TCERG1L: variants seen among roughly 807,000 people sequenced by gnomAD.
The protein encoded by TCERG1L is transcription elongation regulator 1 like, also known as transcription elongation regulator 1-like protein.
In TCERG1L, 37 loss-of-function variants were observed where a neutral mutation model predicts 56.3. The observed-to-expected ratio is 0.66, with a 90% CI of 0.51 to 0.87. The LOEUF (loss-of-function observed/expected upper bound fraction) is 0.87. Among genes scored for constraint, TCERG1L ranks in the 40% least tolerant of loss-of-function variants. The pLI is 0.00. For missense variants in TCERG1L, 799 were observed against 774.2 expected, an observed-to-expected ratio of 1.03 and a Z score of -0.38; for synonymous variants, 324 against 326.3, an observed-to-expected ratio of 0.99 and a Z score of 0.08.
intron 3 of TCERG1L, among the ~76,000 whole-genome samples, chr10:131,285,883 A>T (rs1846534898): frequency 6.6e-6 from 1 of 152,222 alleles, no homozygotes; most frequent in Non-Finnish European, 1.5e-5. Context: ...GATGGAAGGA[A>T]TGTTCTAAGC....
chr10:131,223,687 C>T (rs867294026), intron 4 of TCERG1L, among the ~76,000 whole-genome samples: 6 of 134,350 alleles, frequency 4.5e-5, no homozygotes, highest in South Asian at 2.4e-4. Flanking sequence ...CTCACCCTCA[C>T]GCATACAGAC....
chr10:131,172,263 G>A (rs940292357), intron 4 of TCERG1L, among the ~76,000 whole-genome samples: 5 of 151,824 alleles, frequency 3.3e-5, no homozygotes, highest in African/African-American at 9.7e-5. Context: ...TGGACCCCAC[G>A]GGGGAGGAGG....
At chr10:131,208,925 GC>G (rs1431466699) in intron 4 of TCERG1L, among the ~76,000 whole-genome samples, 2 of 152,136 alleles carry the variant, frequency 1.3e-5, no homozygotes, top group Non-Finnish European at 2.9e-5. Context: ...AGGCGTGGTG[GC>G]AGGCGCCTGT....
chr10:131,158,479 T>C (rs1396506139), intron 6 of TCERG1L, among the ~76,000 whole-genome samples: 3 of 152,214 alleles, frequency 2.0e-5, no homozygotes, highest in African/African-American at 4.8e-5. Flanking sequence ...ACTAATTTGA[T>C]TTTTGTTGCA....
At chr10:131,140,790 A>C (rs1000354518) in intron 7 of TCERG1L, among the ~76,000 whole-genome samples, 7 of 152,114 alleles carry the variant, frequency 4.6e-5, no homozygotes, top group Non-Finnish European at 1.0e-4. Context: ...CTTGGTGGAG[A>C]GGGCAAGGCA....
At chr10:131,144,348 C>T (rs1358724928) in intron 7 of TCERG1L, among the ~76,000 whole-genome samples, 2 of 152,122 alleles carry the variant, frequency 1.3e-5, no homozygotes, top group African/African-American at 2.4e-5. Context: ...TCTGACGAGC[C>T]GCGACGAACG....
intron 4 of TCERG1L, among the ~76,000 whole-genome samples, chr10:131,245,317 C>T (rs772893740): frequency 4.6e-5 from 7 of 152,208 alleles, no homozygotes; most frequent in African/African-American, 7.2e-5. Context: ...GTGGCCAGGC[C>T]TACCTCTTTG....
At chr10:131,107,310 T>G (rs1488085232) in intron 9 of TCERG1L, among the ~76,000 whole-genome samples, 1 of 152,012 alleles carries the variant, frequency 6.6e-6, no homozygotes, top group Non-Finnish European at 1.5e-5. Flanking sequence ...TTCTGGAAAA[T>G]GTTGGAGTTC....
intron 6 of TCERG1L, among the ~76,000 whole-genome samples, chr10:131,152,737 G>C (rs916187819): frequency 1.3e-5 from 2 of 152,164 alleles, no homozygotes; most frequent in Non-Finnish European, 2.9e-5. Context: ...ACCTCAGACT[G>C]GGTAATTTAT....
chr10:131,262,769 G>A (rs889401539), intron 3 of TCERG1L, among the ~76,000 whole-genome samples: 9 of 152,136 alleles, frequency 5.9e-5, no homozygotes, highest in African/African-American at 2.2e-4. Flanking sequence ...TACCACCACT[G>A]TGGTATCATA....
At chr10:131,288,781 G>A (rs1188414139) in intron 3 of TCERG1L, among the ~76,000 whole-genome samples, 2 of 151,994 alleles carry the variant, frequency 1.3e-5, no homozygotes, top group South Asian at 4.2e-4. Flanking sequence ...ACAGAGGTTG[G>A]AGAATGCAGC....
chr10:131,170,442 C>T (rs570854367), intron 4 of TCERG1L, among the ~76,000 whole-genome samples: 5 of 152,134 alleles, frequency 3.3e-5, no homozygotes, highest in African/African-American at 7.2e-5. Flanking sequence ...TTCCGCCCTC[C>T]GAGAGAGGCA....
In TCERG1L at chr10:131,158,862, G is replaced by A. The variant is rs550947352; in HGVS notation, c.1034+4260C>T. ...TGGGGAGCGAGCTCTGGGCTTGGCCGCGAGAGGGAGGAGAGTCAGCGGAGC... is the reference window on the plus strand; with the variant it reads ...TGGGGAGCGAGCTCTGGGCTTGGCCACGAGAGGGAGGAGAGTCAGCGGAGC... On this transcript the variant is annotated intron_variant, in intron 6 of 11. Transcript: ENST00000368642. Among the ~76,000 whole-genome samples the A allele has an allele frequency of 5.9e-5, 9 of 152,318 alleles. No homozygotes were observed. In the South Asian group the frequency reaches 1.0e-3, roughly 18 times the overall value.
intron 8 of TCERG1L, among the ~76,000 whole-genome samples, chr10:131,130,166 A>C (rs1244499602): frequency 1.3e-5 from 2 of 151,838 alleles, no homozygotes; most frequent in Non-Finnish European, 2.9e-5. Flanking sequence ...GAGGTGAAAG[A>C]CGCATGTTAC....
At chr10:131,186,039 A>T in intron 4 of TCERG1L, among the ~76,000 whole-genome samples, 1 of 152,140 alleles carries the variant, frequency 6.6e-6, no homozygotes, top group East Asian at 1.9e-4. Flanking sequence ...AAAGGGACGA[A>T]CTGCTGATAT....
chr10:131,104,829 C>A (rs185315459), intron 9 of TCERG1L, among the ~76,000 whole-genome samples: 1 of 152,180 alleles, frequency 6.6e-6, no homozygotes, highest in African/African-American at 2.4e-5. Flanking sequence ...TAGTTTTAGA[C>A]GTACTAAAAA....
In TCERG1L at chr10:131,127,248, C is replaced by T. The variant is rs372077055; in HGVS notation, c.1259+7131G>A. On this transcript the variant is annotated intron_variant, in intron 8 of 11. Coordinates refer to ENST00000368642, the MANE Select transcript of TCERG1L (RefSeq NM_174937.4). ...GGCCCATAGACAACATCTTCACACA[C>T]TGATGAGTGAAGAACCCCACAGGAG... Among the ~76,000 whole-genome samples, 3 of 152,354 alleles carry T rather than the reference C, an allele frequency of 2.0e-5. No homozygotes were observed. The East Asian group carries it at 5.8e-4, about 29-fold the overall frequency.
intron 4 of TCERG1L, among the ~76,000 whole-genome samples, chr10:131,223,161 G>A (rs574847795): frequency 9.8e-5 from 15 of 152,298 alleles, no homozygotes; most frequent in Non-Finnish European, 2.1e-4. Context: ...ACTTCCTCGC[G>A]CCAGGAGACC....
At chr10:131,212,027 A>T (rs1845625538) in intron 4 of TCERG1L, among the ~76,000 whole-genome samples, 1 of 152,110 alleles carries the variant, frequency 6.6e-6, no homozygotes, top group South Asian at 2.1e-4. Context: ...GATTGGGGTG[A>T]TTCTAAGGTT....
Sources: allele counts gnomAD v4.1 joint callset (sites outside exome capture counted in the v4.1 genomes callset), GRCh38; gene constraint gnomAD v4.1.1; transcripts MANE v1.5; gene names NCBI Gene and HGNC (gene_info 2026-07-23, HGNC 2026-07-21).